The following RAD51AP2 variants were observed in gnomAD, a reference collection of about 807,000 sequenced individuals.
RAD51AP2 encodes RAD51 associated protein 2.
Under a neutral mutation model 85.5 loss-of-function variants are expected in RAD51AP2, and 67 were observed. That is an observed-to-expected ratio of 0.78 (90% CI 0.64 to 0.96). The LOEUF (loss-of-function observed/expected upper bound fraction) is 0.96. Ranked by LOEUF, RAD51AP2 falls within the 40% of genes least tolerant of loss-of-function variation. The probability of loss-of-function intolerance (pLI) is 0.00; values close to 1 mark genes in which losing one functional copy is unlikely to be tolerated. For synonymous variants in RAD51AP2, 474 were observed against 446.5 expected (o/e 1.06, Z -0.78); for missense variants, 1,307 against 1,332.4 (o/e 0.98, Z 0.30).
At position 17,510,803 on chromosome 2, in the gene RAD51AP2, G is replaced by A. The variant is rs757401205; in HGVS notation, c.*1C>T. On this transcript the variant is annotated 3_prime_UTR_variant, in exon 3 of 3. Transcript: ENST00000399080. The stretch of plus-strand genomic sequence containing the variant: ...TTGTAAAATGTTTTGAAATATGAAA[G>A]TCAAAAATTTTCTTTTAAGTTTCCG... The A allele has an allele frequency of 5.8e-6, 9 of 1,549,792 alleles. No homozygotes were observed. The highest frequency in any genetic ancestry group is 7.0e-6 in the Non-Finnish European group (8 of 1,140,332).
chr2:17,517,795 T>G lies in RAD51AP2; in HGVS notation c.621A>C (p.Glu207Asp), dbSNP rs1558267209. Residue 207 changes from glutamate (E) to aspartate (D), a missense_variant, in exon 1 of 3, where the codon GAA becomes GAC. Physicochemically the swap from Glu to Asp is conservative, Grantham distance 45 (BLOSUM62 2). Transcript: ENST00000399080. ...TGTTAGCTTTACATCTGTTCTTAATTTCATGAAATGGTGATTTAGTTTCCT... is the reference window on the plus strand; with the variant it reads ...TGTTAGCTTTACATCTGTTCTTAATGTCATGAAATGGTGATTTAGTTTCCT... ...FYKETKSPFHEIKNRCKANSV... is the reference protein window; with the variant it reads ...FYKETKSPFHDIKNRCKANSV... 8 of 1,614,024 alleles carry G rather than the reference T, an allele frequency of 5.0e-6. No individual in the cohort carries two copies. The highest frequency in any genetic ancestry group is 1.3e-5 in the African/African-American group (1 of 74,946).
Position 17,515,740 on chromosome 2 carries a change from A to G in RAD51AP2, c.2676T>C (p.Asn892=). 1 of 1,597,168 alleles carries G rather than the reference A, an allele frequency of 6.3e-7. No individual in the cohort carries two copies. Among genetic ancestry groups the G allele is most frequent in the Admixed American group, 1.7e-5 (1 of 57,594 alleles). ...EVNVEENKYV[N]QNYVTNTNEY... ...CATTTGTATTTGTTACATAATTTTG[A>G]TTAACATATTTATTTTCTTCCACAT... Residue 892 remains asparagine (N), a synonymous_variant, in exon 1 of 3, where the codon AAT becomes AAC. Transcript: ENST00000399080.
At chr2:17,511,030 T>TA in intron 2 of RAD51AP2, 75 bp from the exon 3 acceptor site, 2 of 932,984 alleles carry the variant, frequency 2.1e-6, no homozygotes, top group Non-Finnish European at 3.1e-6. Flanking sequence ...CTAATCATGA[T>TA]ATTAGCAACT....
chr2:17,534,081 T>A, the RAD51AP2 span, among the ~76,000 whole-genome samples: 63 of 152,304 alleles, frequency 4.1e-4, 1 homozygote, highest in African/African-American at 1.4e-3. Context: ...GCAACTTGAA[T>A]AAAAATGAAT....
In RAD51AP2 at chr2:17,516,264, C is replaced by T. The variant is rs753358572; in HGVS notation, c.2152G>A (p.Val718Met). Reference protein sequence around the residue: ...CQNMSCPQQVVNVENWAHYNS... With the variant: ...CQNMSCPQQVMNVENWAHYNS... ...TAGTGAGCCCAATTTTCCACATTCACAACTTGTTGAGGACAACTCATATTC... is the reference window on the plus strand; with the variant it reads ...TAGTGAGCCCAATTTTCCACATTCATAACTTGTTGAGGACAACTCATATTC... The change falls in exon 1 of 3, where the codon GTG becomes ATG. Residue 718 changes from valine (V) to methionine (M), a missense_variant. Val to Met is a conservative substitution (Grantham distance 21). This residue lies in a region of RAD51AP2 where 668 missense variants were observed against 671.0 expected (regional missense o/e 1.00). Coordinates refer to ENST00000399080, the MANE Select transcript of RAD51AP2 (RefSeq NM_001099218.3). The T allele has an allele frequency of 7.4e-6, 12 of 1,610,884 alleles. No individual in the cohort carries two copies. The Admixed American group carries it at 1.5e-4, about 20-fold the overall frequency.
At chr2:17,513,871 TATA>T (rs1662568625) in intron 2 of RAD51AP2, 138 bp downstream of exon 2, 3 of 576,434 alleles carry the variant, frequency 5.2e-6, no homozygotes, top group Non-Finnish European at 9.3e-6. Flanking sequence ...AATTTATCAG[TATA>T]ATATTAATGC....
rs1295337163 is a variant in RAD51AP2 at position 17,518,201 on chromosome 2, T to C, written c.215A>G (p.Lys72Arg). Residue 72 changes from lysine (K) to arginine (R), a missense_variant, in exon 1 of 3, where the codon AAG becomes AGG. Around this residue, in one of 3 missense-constraint regions of RAD51AP2, gnomAD observed 635 missense variants for 643.6 expected, o/e 0.99. Coordinates refer to ENST00000399080, the MANE Select transcript of RAD51AP2 (RefSeq NM_001099218.3). Reference sequence around the variant, plus strand: ...AGCATTCGTTGAAACAAGGAGTCCCTTGAAGGGTCTAGGGGACAACTCCCA... The same window carrying C: ...AGCATTCGTTGAAACAAGGAGTCCCCTGAAGGGTCTAGGGGACAACTCCCA... ...KVWELSPRPFKGLLVSTNAIF... is the reference protein window; with the variant it reads ...KVWELSPRPFRGLLVSTNAIF... 1.9e-6 allele frequency: 3 copies of C among 1,614,032 alleles called. No individual in the cohort carries two copies. The highest frequency in any genetic ancestry group is 1.3e-5 in the African/African-American group (1 of 74,898).
chr2:17,537,334 CA>C, the RAD51AP2 span, among the ~76,000 whole-genome samples: 2 of 150,540 alleles, frequency 1.3e-5, no homozygotes, highest in Admixed American at 6.6e-5. Context: ...CTCAGAAAAA[CA>C]AAAAAAAATC....
At chr2:17,522,049 C>T (rs1392841502), upstream of RAD51AP2, among the ~76,000 whole-genome samples, 3 of 151,956 alleles carry the variant, frequency 2.0e-5, no homozygotes, top group East Asian at 5.8e-4. Context: ...CTTCATTTTA[C>T]TAGTCTCTTC....
upstream of RAD51AP2, among the ~76,000 whole-genome samples, chr2:17,520,368 A>T (rs1662832347): frequency 6.6e-6 from 1 of 152,128 alleles, no homozygotes; most frequent in Non-Finnish European, 1.5e-5. Context: ...AATGCAAAAA[A>T]TTATGTCTTC....
the RAD51AP2 span, among the ~76,000 whole-genome samples, chr2:17,527,774 AT>A: frequency 6.6e-6 from 1 of 152,182 alleles, no homozygotes; most frequent in African/African-American, 2.4e-5. Flanking sequence ...AGGCATCTGA[AT>A]TTAAACATAT....
At chr2:17,534,588 A>T in the RAD51AP2 span, among the ~76,000 whole-genome samples, 1 of 152,050 alleles carries the variant, frequency 6.6e-6, no homozygotes, top group Non-Finnish European at 1.5e-5. Context: ...AATGTTCAGT[A>T]ATATGGCCTT....
In RAD51AP2 at chr2:17,515,178, AAGTAG is replaced by A. The variant is rs770269349; in HGVS notation, c.3233_3237del (p.Ser1078PhefsTer2). On this transcript the variant is annotated frameshift_variant, in exon 1 of 3. Transcript: ENST00000399080. LOFTEE classifies it high-confidence loss of function. ...AAAATGAATTTCATACCTTTCTCAG[AAGTAG>A]AGTAAAGTAATTCTTCCTCTGATCT... The A allele has an allele frequency of 1.5e-5, 23 of 1,566,544 alleles. No homozygotes were observed. Among genetic ancestry groups the A allele is most frequent in the Admixed American group, 1.2e-4 (6 of 48,418 alleles).
In RAD51AP2 at chr2:17,510,886, C is replaced by G. The variant is rs759446691; in HGVS notation, c.3398G>C (p.Gly1133Ala). The G allele has an allele frequency of 6.2e-7, 1 of 1,609,980 alleles. No homozygotes were observed. Among genetic ancestry groups the G allele is most frequent in the Admixed American group, 1.7e-5 (1 of 59,654 alleles). ...TTTAATCCTTGCTTTTCTTGACAAA[C>G]CAATCCTGATTGGCCTACTGCATGT... ...LKTCSRPIRI[G>A]LSRKARIKQL... Residue 1133 changes from glycine (G) to alanine (A), a missense_variant, in exon 3 of 3, where the codon GGT (glycine) becomes GCT (alanine). Around this residue, in one of 3 missense-constraint regions of RAD51AP2, gnomAD observed 668 missense variants for 671.0 expected, o/e 1.00. Transcript: ENST00000399080.
rs769580330 is a variant in RAD51AP2 at position 17,517,226 on chromosome 2, C to T, written c.1190G>A (p.Cys397Tyr). The change falls in exon 1 of 3, where the codon TGT becomes TAT. Residue 397 changes from cysteine (C) to tyrosine (Y), a missense_variant. Coordinates refer to ENST00000399080, the MANE Select transcript of RAD51AP2 (RefSeq NM_001099218.3). ...TRLEKSQNWD[C>Y]NVRHILRRNR... The stretch of plus-strand genomic sequence containing the variant: ...TCTTCTCAAAATATGTCTAACGTTA[C>T]AGTCCCAGTTTTGAGATTTTTCCAG... The T allele has an allele frequency of 3.1e-6, 5 of 1,613,846 alleles. No individual in the cohort carries two copies. In the South Asian group the frequency reaches 5.5e-5, roughly 18 times the overall value.
At chr2:17,525,062 T>A in the RAD51AP2 span, among the ~76,000 whole-genome samples, 3 of 151,706 alleles carry the variant, frequency 2.0e-5, no homozygotes, top group African/African-American at 7.3e-5. Context: ...GGAATAAAGA[T>A]GAATTAATCT....
At chr2:17,514,197 T>C (rs1662578277) in intron 1 of RAD51AP2, 105 bp from the exon 2 acceptor site, 1 of 760,764 alleles carries the variant, frequency 1.3e-6, no homozygotes, top group South Asian at 1.7e-5. Flanking sequence ...AGTTGGCTCC[T>C]AATATTTAGA....
chr2:17,518,203 G>A lies in RAD51AP2; in HGVS notation c.213C>T (p.Phe71=), dbSNP rs749710218. ...CATTCGTTGAAACAAGGAGTCCCTTGAAGGGTCTAGGGGACAACTCCCAGA... is the reference window on the plus strand; with the variant it reads ...CATTCGTTGAAACAAGGAGTCCCTTAAAGGGTCTAGGGGACAACTCCCAGA... ...EKVWELSPRP[F]KGLLVSTNAI... is the part of the protein sequence containing the mutation. Residue 71 remains phenylalanine (F), a synonymous_variant, in exon 1 of 3, where the codon TTC becomes TTT. Transcript: ENST00000399080. 1.9e-6 allele frequency: 3 copies of A among 1,614,050 alleles called. No individual in the cohort carries two copies. Among genetic ancestry groups the A allele is most frequent in the Admixed American group, 1.7e-5 (1 of 60,008 alleles).
upstream of RAD51AP2, among the ~76,000 whole-genome samples, chr2:17,522,203 A>C (rs551517393): frequency 6.6e-6 from 1 of 152,110 alleles, no homozygotes; most frequent in African/African-American, 2.4e-5. Flanking sequence ...AGTTCCTCAT[A>C]GTTCAGTTCT....
Sources: allele counts gnomAD v4.1 joint callset (sites outside exome capture counted in the v4.1 genomes callset), GRCh38; gene constraint gnomAD v4.1.1; regional missense constraint gnomAD v4.1.1; transcripts MANE v1.5; gene names NCBI Gene and HGNC (gene_info 2026-07-23, HGNC 2026-07-21).